ZNF385B: variants seen among roughly 807,000 people sequenced by gnomAD.
ZNF385B encodes the protein zinc finger protein 533.
A neutral mutation model predicts 39.2 loss-of-function variants in ZNF385B; 23 were observed. The ratio of observed to expected loss-of-function variants is 0.59; its 90% CI spans 0.42 to 0.83. The LOEUF (loss-of-function observed/expected upper bound fraction) is 0.83. ZNF385B is among the 40% of genes least tolerant of loss of function. The pLI is 0.00. For synonymous variants in ZNF385B, 205 were observed against 222.6 expected, an observed-to-expected ratio of 0.92 and a Z score of 0.70; for missense variants, 552 against 598.9, an observed-to-expected ratio of 0.92 and a Z score of 0.82.
At chr2:179,825,251 C>G (rs1707614795) in intron 1 of ZNF385B, among the ~76,000 whole-genome samples, 1 of 152,134 alleles carries the variant, frequency 6.6e-6, no homozygotes, top group Non-Finnish European at 1.5e-5. Context: ...CTTTATAGGA[C>G]AGATGAATCC....
At chr2:179,445,026 A>G (rs1235521583) in intron 8 of ZNF385B, 49 bp from the exon 9 acceptor site, 1 of 1,513,970 alleles carries the variant, frequency 6.6e-7, no homozygotes, top group Non-Finnish European at 9.2e-7. Flanking sequence ...GTCTTATTCC[A>G]TGTAAAACGT....
chr2:179,796,309 G>A (rs184924653), intron 1 of ZNF385B: 1 of 152,248 alleles, frequency 6.6e-6, no homozygotes, highest in Admixed American at 6.5e-5. Flanking sequence ...AGATGAGGGA[G>A]CTATCCCCCT....
Position 179,476,607 on chromosome 2 carries a change from G to T in ZNF385B, c.715+6665C>A, listed in dbSNP as rs550447636. Among the ~76,000 whole-genome samples the T allele has an allele frequency of 5.9e-5, 9 of 152,310 alleles. No individual in the cohort carries two copies. The South Asian group carries it at 1.9e-3, about 32-fold the overall frequency. On this transcript the variant is annotated intron_variant, in intron 6 of 9. Coordinates refer to ENST00000410066, the MANE Select transcript of ZNF385B (RefSeq NM_152520.6). The stretch of plus-strand genomic sequence containing the variant: ...GCATTATTTGAAAGCAATATAAAAT[G>T]CTGTAAAGTTTCAGAAGTTAGTTCC...
At chr2:179,461,679 T>A (rs1424387532) in intron 6 of ZNF385B, among the ~76,000 whole-genome samples, 7 of 152,192 alleles carry the variant, frequency 4.6e-5, no homozygotes, top group Admixed American at 4.6e-4. Context: ...ATTGGGACCT[T>A]AATGCTTACA....
chr2:179,692,105 C>A (rs1698400305), intron 3 of ZNF385B, among the ~76,000 whole-genome samples: 1 of 151,984 alleles, frequency 6.6e-6, no homozygotes, highest in Non-Finnish European at 1.5e-5. Flanking sequence ...GATCTTATTC[C>A]TTCTATCTAA....
At chr2:179,562,170 C>T (rs1475148798) in intron 3 of ZNF385B, among the ~76,000 whole-genome samples, 2 of 152,090 alleles carry the variant, frequency 1.3e-5, no homozygotes, top group Non-Finnish European at 2.9e-5. Flanking sequence ...TCAGTTACCT[C>T]GTCATTATAG....
At chr2:179,560,245 C>T (rs560764466) in intron 3 of ZNF385B, among the ~76,000 whole-genome samples, 1 of 152,258 alleles carries the variant, frequency 6.6e-6, no homozygotes, top group East Asian at 1.9e-4. Context: ...CATTTCTTCA[C>T]AGCACTCATT....
intron 1 of ZNF385B, among the ~76,000 whole-genome samples, chr2:179,837,406 C>T (rs1559238759): frequency 6.6e-6 from 1 of 152,140 alleles, no homozygotes; most frequent in Non-Finnish European, 1.5e-5. Flanking sequence ...GAAATTCACT[C>T]CTGACATAGA....
At chr2:179,723,302 GAGTATAATTATATA>G (rs1227881216) in intron 3 of ZNF385B, among the ~76,000 whole-genome samples, 2 of 152,132 alleles carry the variant, frequency 1.3e-5, no homozygotes, top group African/African-American at 4.8e-5. Context: ...TATGCCCTCA[GAGTATAATTATATA>G]ACTCAGAGAA....
At chr2:179,810,004 A>G (rs1166145496) in intron 1 of ZNF385B, among the ~76,000 whole-genome samples, 1 of 152,092 alleles carries the variant, frequency 6.6e-6, no homozygotes, top group Non-Finnish European at 1.5e-5. Flanking sequence ...ATGGAACAGA[A>G]TTATCTTCAA....
chr2:179,855,693 G>C (rs1010717113), intron 1 of ZNF385B, among the ~76,000 whole-genome samples: 1 of 152,172 alleles, frequency 6.6e-6, no homozygotes, highest in Non-Finnish European at 1.5e-5. Context: ...GGGTGGGCAA[G>C]AAAAGTGTTC....
chr2:179,577,717 A>C (rs1447734586), intron 3 of ZNF385B, among the ~76,000 whole-genome samples: 2 of 152,108 alleles, frequency 1.3e-5, no homozygotes, highest in African/African-American at 4.8e-5. Context: ...TATTCCTAAT[A>C]AATTACTAAT....
intron 3 of ZNF385B, among the ~76,000 whole-genome samples, chr2:179,714,453 G>C (rs879535531): frequency 6.6e-6 from 1 of 152,120 alleles, no homozygotes; most frequent in African/African-American, 2.4e-5. Flanking sequence ...ACCATGCAAT[G>C]CCTCCTTAAC....
At chr2:179,493,398 T>C (rs1345090558) in intron 5 of ZNF385B, among the ~76,000 whole-genome samples, 1 of 151,628 alleles carries the variant, frequency 6.6e-6, no homozygotes, top group South Asian at 2.1e-4. Context: ...TATGTATGCA[T>C]ACATATATGT....
intron 6 of ZNF385B, among the ~76,000 whole-genome samples, chr2:179,470,134 C>T (rs977828469): frequency 6.6e-6 from 1 of 152,122 alleles, no homozygotes; most frequent in Non-Finnish European, 1.5e-5. Flanking sequence ...TCTCTCCTTT[C>T]CCTGTTCTGT....
intron 1 of ZNF385B, among the ~76,000 whole-genome samples, chr2:179,786,376 G>A (rs780360507): frequency 5.9e-5 from 9 of 152,048 alleles, no homozygotes; most frequent in Non-Finnish European, 7.4e-5. Context: ...ACAAAAATCC[G>A]ATTGCTCTGC....
intron 3 of ZNF385B, among the ~76,000 whole-genome samples, chr2:179,703,271 C>T (rs1699345138): frequency 6.6e-6 from 1 of 152,180 alleles, no homozygotes; most frequent in South Asian, 2.1e-4. Context: ...AGCACCTAAA[C>T]TCTTTTCTCA....
At chr2:179,839,329 C>A (rs1467869097) in intron 1 of ZNF385B, among the ~76,000 whole-genome samples, 1 of 152,202 alleles carries the variant, frequency 6.6e-6, no homozygotes, top group Admixed American at 6.5e-5. Flanking sequence ...TTCCCCACCA[C>A]TCACACCAAC....
intron 3 of ZNF385B, among the ~76,000 whole-genome samples, chr2:179,750,529 T>C (rs1195273168): frequency 1.3e-5 from 2 of 152,100 alleles, no homozygotes; most frequent in Non-Finnish European, 2.9e-5. Flanking sequence ...AGTGCTCTTA[T>C]AAGGACCTGT....
Sources: gnomAD v4.1 joint callset for allele counts (sites outside exome capture counted in the v4.1 genomes callset) on GRCh38, gnomAD v4.1.1 for gene constraint, MANE v1.5 for transcripts, NCBI Gene and HGNC (gene_info 2026-07-23, HGNC 2026-07-21) for gene names.